TTL: variants seen among roughly 807,000 people sequenced by gnomAD.
TTL encodes the protein tubulin--tyrosine ligase.
TTL carries 10 observed loss-of-function variants against 41.1 expected under a neutral mutation model. The ratio of observed to expected loss-of-function variants is 0.24; its 90% CI spans 0.15 to 0.41. The LOEUF (loss-of-function observed/expected upper bound fraction) is 0.41, where lower values mean the gene tolerates loss of function less well. TTL is among the 10% of genes least tolerant of loss of function. The pLI, the probability that TTL is intolerant of heterozygous loss-of-function variation, is 1.00. For missense variants in TTL, 367 were observed against 460.4 expected, an observed-to-expected ratio of 0.80 and a Z score of 1.86; for synonymous variants, 175 against 175.5, an observed-to-expected ratio of 1.00 and a Z score of 0.02.
Position 112,482,308 on chromosome 2 carries a change from GCGGCTGCC to G in TTL, c.-32_-25del. 1 of 1,432,516 alleles carries G rather than the reference GCGGCTGCC, an allele frequency of 7.0e-7. No individual in the cohort carries two copies. Among genetic ancestry groups the G allele is most frequent in the East Asian group, 3.2e-5 (1 of 30,912 alleles). 88.7% of individuals were successfully genotyped at this position (1,432,516 alleles called of 1,614,324 possible). On this transcript the variant is annotated 5_prime_UTR_variant, in exon 1 of 7. Transcript: ENST00000233336. The surrounding 1 kb of genome is among the most constrained non-coding windows in gnomAD (Gnocchi z 5.3). ...CCTTCTCGGCCGCCTGGTCCCTGCG[GCGGCTGCC>G]CGGCGGCCCGGGCGCGCGGCGCTTC...
At chr2:112,489,686 T>C (rs1681330356) in intron 2 of TTL, among the ~76,000 whole-genome samples, 2 of 152,232 alleles carry the variant, frequency 1.3e-5, no homozygotes, top group Admixed American at 1.3e-4. Context: ...AATCATGTTG[T>C]AAAAATATGT....
At chr2:112,484,134 C>T (rs1239134791) in intron 1 of TTL, among the ~76,000 whole-genome samples, 1 of 151,870 alleles carries the variant, frequency 6.6e-6, no homozygotes, top group Non-Finnish European at 1.5e-5. Context: ...GGTGCTTAAG[C>T]CTAGGAGTGA....
Position 112,489,434 on chromosome 2 carries a change from T to G in TTL, c.236+3439T>G, listed in dbSNP as rs377541059. Among the ~76,000 whole-genome samples, 43 of 152,338 alleles carry G rather than the reference T, an allele frequency of 2.8e-4. No individual in the cohort carries two copies. In the East Asian group the frequency reaches 3.7e-3, roughly 13 times the overall value. ...CACACATTTTCAAAACTAGTTCATC[T>G]TTTCTAGAAGAATTGATTTGACTAT... On this transcript the variant is annotated intron_variant, in intron 2 of 6. Coordinates refer to ENST00000233336, the MANE Select transcript of TTL (RefSeq NM_153712.5).
intron 1 of TTL, 87 bp from the exon 2 acceptor site, chr2:112,485,830 A>G: frequency 8.2e-7 from 1 of 1,216,824 alleles, no homozygotes; most frequent in Non-Finnish European, 1.2e-6. Flanking sequence ...CTGAGATGAG[A>G]GAGAGAAAAG....
In TTL at chr2:112,523,032, C is replaced by T. The variant is rs79744435; in HGVS notation, c.1019+2607C>T. 4.4e-4 allele frequency among the ~76,000 whole-genome samples: 67 copies of T among 152,282 alleles called. 1 individual carries two copies. The East Asian group carries it at 0.012, about 28-fold the overall frequency. Reference sequence around the variant, plus strand: ...TTGCACCTAGGACACAAACCAGACTCCTCCCTCCACCTCCAAGGCCGCTGC... The same window carrying T: ...TTGCACCTAGGACACAAACCAGACTTCTCCCTCCACCTCCAAGGCCGCTGC... On this transcript the variant is annotated intron_variant, in intron 6 of 6. Coordinates refer to ENST00000233336, the MANE Select transcript of TTL (RefSeq NM_153712.5).
Position 112,482,588 on chromosome 2 carries a change from T to C in TTL, c.157+87T>C. The C allele has an allele frequency of 7.1e-7, 1 of 1,402,484 alleles. No individual in the cohort carries two copies. Among genetic ancestry groups the C allele is most frequent in the Non-Finnish European group, 9.5e-7 (1 of 1,056,500 alleles). 86.9% of individuals were successfully genotyped at this position (1,402,484 alleles called of 1,614,324 possible). On this transcript the variant is annotated intron_variant, in intron 1 of 6. Coordinates refer to ENST00000233336, the MANE Select transcript of TTL (RefSeq NM_153712.5). The surrounding 1 kb of genome is among the most constrained non-coding windows in gnomAD (Gnocchi z 5.3). Reference sequence around the variant, plus strand: ...CCGTTAGAACCGGCGCTTTTGTTTTTAAAGGTCATACATTTTCTCCTCTGT... The same window carrying C: ...CCGTTAGAACCGGCGCTTTTGTTTTCAAAGGTCATACATTTTCTCCTCTGT...
At chr2:112,494,887 CTGTG>C (rs2104452797) in intron 3 of TTL, among the ~76,000 whole-genome samples, 2 of 152,318 alleles carry the variant, frequency 1.3e-5, no homozygotes, top group South Asian at 2.1e-4. Flanking sequence ...ATTCTTTTTA[CTGTG>C]TGTAACTGCC....
In TTL at chr2:112,539,615, G is replaced by C. The variant is rs1018866349; in HGVS notation, c.*10820G>C. 2.6e-5 allele frequency: 4 copies of C among 152,046 alleles called. No homozygotes were observed. The highest frequency in any genetic ancestry group is 5.9e-5 in the Non-Finnish European group (4 of 68,032). The allele number at this position is 152,046 out of a possible 1,614,324, so 9.4% of individuals were successfully genotyped here. The stretch of plus-strand genomic sequence containing the variant: ...GTTGGGAGCTTTCTTCCCAATATCA[G>C]GCACAAAACAAGTATATTTATTCTT... On this transcript the variant is annotated 3_prime_UTR_variant, in exon 7 of 7. Coordinates refer to ENST00000233336, the MANE Select transcript of TTL (RefSeq NM_153712.5).
intron 2 of TTL, among the ~76,000 whole-genome samples, chr2:112,492,697 T>C (rs1226178497): frequency 6.6e-6 from 1 of 151,556 alleles, no homozygotes; most frequent in African/African-American, 2.4e-5. Flanking sequence ...GCTACTGCAC[T>C]TCAGCCTGGG....
intron 6 of TTL, chr2:112,521,230 G>A (rs1682217792): frequency 1.0e-6 from 1 of 985,248 alleles, no homozygotes; most frequent in Non-Finnish European, 1.2e-6. Context: ...AGGTCTGGGA[G>A]ATGCCCAGAG....
chr2:112,531,008 G>A lies in TTL; in HGVS notation c.*2213G>A. ...TACAGAGACGTGGTCTCACTGTGTTGCCCAGGCTGGATTGCAGTGGCTATT... is the reference window on the plus strand; with the variant it reads ...TACAGAGACGTGGTCTCACTGTGTTACCCAGGCTGGATTGCAGTGGCTATT... On this transcript the variant is annotated 3_prime_UTR_variant, in exon 7 of 7. Transcript: ENST00000233336. 5.3e-6 allele frequency: 1 copy of A among 189,278 alleles called. No homozygotes were observed. Among genetic ancestry groups the A allele is most frequent in the Non-Finnish European group, 1.1e-5 (1 of 90,004 alleles). The allele number at this position is 189,278 out of a possible 1,614,324, so 11.7% of individuals were successfully genotyped here. A position where few individuals can be genotyped will look rare whatever the true frequency, so the allele number is the denominator to read the frequency against.
chr2:112,520,856 T>C (rs1027424542), intron 6 of TTL, among the ~76,000 whole-genome samples: 1 of 152,140 alleles, frequency 6.6e-6, no homozygotes, highest in Non-Finnish European at 1.5e-5. Flanking sequence ...AGGTTGAGGC[T>C]GCAGTGAGCC....
chr2:112,501,978 C>T (rs1335570703), intron 4 of TTL, among the ~76,000 whole-genome samples: 4 of 152,108 alleles, frequency 2.6e-5, no homozygotes, highest in African/African-American at 4.8e-5. Context: ...GCATGGAACA[C>T]GTAATTCAGA....
In TTL at chr2:112,530,301, A is replaced by G. The variant is rs770088103; in HGVS notation, c.*1506A>G. On this transcript the variant is annotated 3_prime_UTR_variant, in exon 7 of 7. Transcript: ENST00000233336. ...TAGAAATTATTTCTTAGGTACAGCA[A>G]TAGTTGATAGGATGTGAGGGTGTTA... 3 of 231,426 alleles carry G rather than the reference A, an allele frequency of 1.3e-5. No individual in the cohort carries two copies. The highest frequency in any genetic ancestry group is 2.6e-5 in the Non-Finnish European group (3 of 117,010). 14.3% of individuals were successfully genotyped at this position (231,426 alleles called of 1,614,324 possible).
At chr2:112,519,141 A>G (rs1682154842) in intron 5 of TTL, among the ~76,000 whole-genome samples, 1 of 151,980 alleles carries the variant, frequency 6.6e-6, no homozygotes, top group African/African-American at 2.4e-5. Flanking sequence ...GAAATGGCAT[A>G]GGTTTTCTGG....
chr2:112,534,092 C>CG lies in TTL; in HGVS notation c.*5300dup, dbSNP rs1682557446. The CG allele has an allele frequency of 6.6e-6, 1 of 152,092 alleles. No individual in the cohort carries two copies. The highest frequency in any genetic ancestry group is 2.4e-5 in the African/African-American group (1 of 41,410). 9.4% of individuals were successfully genotyped at this position (152,092 alleles called of 1,614,324 possible). On this transcript the variant is annotated 3_prime_UTR_variant, in exon 7 of 7. Coordinates refer to ENST00000233336, the MANE Select transcript of TTL (RefSeq NM_153712.5). ...ATCCCAGCACTTCGGGAGGCCAAGG[C>CG]GGGCGATCACGAGGTCAGGAGATGG...
chr2:112,502,865 G>T, intron 4 of TTL, 47 bp from the exon 5 acceptor site: 1 of 1,567,024 alleles, frequency 6.4e-7, no homozygotes. Context: ...ATAATATGCA[G>T]AAACTTTGGA....
intron 5 of TTL, among the ~76,000 whole-genome samples, chr2:112,514,861 C>T (rs1682023102): frequency 6.6e-6 from 1 of 152,158 alleles, no homozygotes; most frequent in African/African-American, 2.4e-5. Flanking sequence ...TTCACTGTTT[C>T]TCACACTTTT....
Position 112,501,261 on chromosome 2 carries a change from C to T in TTL, c.525C>T (p.Asn175=), listed in dbSNP as rs1464288921. ...CAGAGCTTCTCGATTTCATAGACAACCAGGGCCAAGTGCACGTGATCCAGA... is the reference window on the plus strand; with the variant it reads ...CAGAGCTTCTCGATTTCATAGACAATCAGGGCCAAGTGCACGTGATCCAGA... ...EASELLDFID[N]QGQVHVIQKY... The change falls in exon 4 of 7, where the codon AAC becomes AAT. Residue 175 remains asparagine, a synonymous_variant. Transcript: ENST00000233336. The T allele has an allele frequency of 6.2e-7, 1 of 1,613,810 alleles. No individual in the cohort carries two copies. Among genetic ancestry groups the T allele is most frequent in the East Asian group, 2.2e-5 (1 of 44,850 alleles).
Sources: gnomAD v4.1 joint callset for allele counts (sites outside exome capture counted in the v4.1 genomes callset) on GRCh38, gnomAD v4.1.1 for gene constraint, Gnocchi (gnomAD v3.1) non-coding constraint, MANE v1.5 for transcripts, NCBI Gene and HGNC (gene_info 2026-07-23, HGNC 2026-07-21) for gene names.